The following HMGCLL1 variants were observed in gnomAD, a reference collection of about 807,000 sequenced individuals.
HMGCLL1 encodes 3-hydroxy-3-methylglutaryl-CoA lyase like 1.
In HMGCLL1, 36 loss-of-function variants were observed where a neutral mutation model predicts 39.1. The observed-to-expected ratio is 0.92, with a 90% confidence interval of 0.71 to 1.22. The LOEUF is 1.22. Among genes scored for constraint, HMGCLL1 ranks in the 50% most tolerant of loss-of-function variants. The pLI, the probability that HMGCLL1 is intolerant of heterozygous loss-of-function variation, is 0.00. For missense variants in HMGCLL1, 451 were observed against 416.5 expected, an observed-to-expected ratio of 1.08 and a Z score of -0.72; for synonymous variants, 149 against 144.0, an observed-to-expected ratio of 1.03 and a Z score of -0.25.
chr6:55,554,628 G>T (rs1280747747), intron 1 of HMGCLL1, among the ~76,000 whole-genome samples: 3 of 152,006 alleles, frequency 2.0e-5, no homozygotes, highest in Non-Finnish European at 4.4e-5. Flanking sequence ...AATTATAAGG[G>T]CAATGAAATA....
At chr6:55,596,927 C>T in the HMGCLL1 span, among the ~76,000 whole-genome samples, 2 of 151,882 alleles carry the variant, frequency 1.3e-5, no homozygotes, top group African/African-American at 4.8e-5. Flanking sequence ...GTAACTAAAA[C>T]CAGTTGTTAA....
chr6:55,588,235 T>A, the HMGCLL1 span, among the ~76,000 whole-genome samples: 1 of 151,802 alleles, frequency 6.6e-6, no homozygotes, highest in Non-Finnish European at 1.5e-5. Flanking sequence ...AAACCAGAAC[T>A]CAGGATGAAG....
At chr6:55,477,369 A>C (rs1469087176) in intron 7 of HMGCLL1, among the ~76,000 whole-genome samples, 6 of 27,206 alleles carry the variant, frequency 2.2e-4, no homozygotes, top group African/African-American at 1.5e-3. Context: ...TATTATATTA[A>C]TATAATATAT....
the HMGCLL1 span, among the ~76,000 whole-genome samples, chr6:55,668,586 A>G: frequency 4.0e-5 from 6 of 151,880 alleles, no homozygotes; most frequent in African/African-American, 1.4e-4. Context: ...TAAAGAAAAG[A>G]TACCAGAATT....
intron 7 of HMGCLL1, among the ~76,000 whole-genome samples, chr6:55,444,427 G>C (rs1216717426): frequency 6.6e-6 from 1 of 152,008 alleles, no homozygotes; most frequent in Non-Finnish European, 1.5e-5. Context: ...ATCACAGTAT[G>C]TTTTTTAAGA....
rs1770393298 is a variant in HMGCLL1, at chr6:55,552,497, T to G, written c.109-10357A>C. On this transcript the variant is annotated intron_variant, in intron 1 of 8. Coordinates refer to ENST00000274901, the MANE Select transcript of HMGCLL1 (RefSeq NM_001042406.2). ...TCCCTAGTATAGTGAAAAATTCTAT[T>G]ACCACTCTGTACCTCATTTACTCAT... 2.6e-5 allele frequency among the ~76,000 whole-genome samples: 4 copies of G among 152,028 alleles called. No homozygotes were observed. In the South Asian group the frequency reaches 8.3e-4, roughly 31 times the overall value.
chr6:55,592,415 T>G, the HMGCLL1 span, among the ~76,000 whole-genome samples: 1 of 152,116 alleles, frequency 6.6e-6, no homozygotes, highest in Non-Finnish European at 1.5e-5. Context: ...GTCAAGTTTA[T>G]GTGCAACATT....
chr6:55,552,427 C>G lies in HMGCLL1; in HGVS notation c.109-10287G>C, dbSNP rs79167655. Among the ~76,000 whole-genome samples, 612 of 152,078 alleles carry G rather than the reference C, an allele frequency of 4.0e-3. 1 individual carries two copies. The highest frequency in any genetic ancestry group is 7.3e-3 in the Admixed American group (112 of 15,288). ...ACTATTATCTAAATTCAGGTATCTACTATCAATGATTGACTCTATTCTGCA... is the reference window on the plus strand; with the variant it reads ...ACTATTATCTAAATTCAGGTATCTAGTATCAATGATTGACTCTATTCTGCA... On this transcript the variant is annotated intron_variant, in intron 1 of 8. Transcript: ENST00000274901.
chr6:55,636,034 C>T, the HMGCLL1 span, among the ~76,000 whole-genome samples: 3 of 152,072 alleles, frequency 2.0e-5, no homozygotes, highest in African/African-American at 7.2e-5. Flanking sequence ...TGTTTCCACT[C>T]TGAAACACTG....
the HMGCLL1 span, among the ~76,000 whole-genome samples, chr6:55,591,171 G>A: frequency 6.6e-6 from 1 of 151,970 alleles, no homozygotes; most frequent in African/African-American, 2.4e-5. Context: ...CTTCTTTAGA[G>A]CTAGAATTTG....
At chr6:55,522,415 C>T (rs1229074339) in intron 3 of HMGCLL1, among the ~76,000 whole-genome samples, 2 of 151,918 alleles carry the variant, frequency 1.3e-5, no homozygotes, top group East Asian at 1.9e-4. Flanking sequence ...GAAAATAGAA[C>T]TTTCACTGAG....
intron 1 of HMGCLL1, among the ~76,000 whole-genome samples, chr6:55,571,025 C>T (rs930715167): frequency 3.9e-5 from 6 of 152,140 alleles, no homozygotes; most frequent in Non-Finnish European, 8.8e-5. Context: ...GAACAGTATG[C>T]GGGGAACACC....
At chr6:55,661,590 T>C in the HMGCLL1 span, among the ~76,000 whole-genome samples, 1 of 152,064 alleles carries the variant, frequency 6.6e-6, no homozygotes, top group Non-Finnish European at 1.5e-5. Flanking sequence ...TTTGTATCAG[T>C]ACCATGCTCT....
intron 1 of HMGCLL1, 137 bp from the exon 2 acceptor site, chr6:55,542,277 T>C (rs923935404): frequency 1.7e-5 from 9 of 533,302 alleles, no homozygotes; most frequent in Middle Eastern, 4.6e-4. Flanking sequence ...TACAATGATA[T>C]CATGAAAATG....
chr6:55,526,113 C>T (rs544081242), intron 3 of HMGCLL1, among the ~76,000 whole-genome samples: 1 of 151,974 alleles, frequency 6.6e-6, no homozygotes, highest in Non-Finnish European at 1.5e-5. Flanking sequence ...TAATTTGCAG[C>T]TAAGCCTTTG....
upstream of HMGCLL1, chr6:55,579,227 G>T: frequency 1.6e-6 from 1 of 607,934 alleles, no homozygotes; most frequent in South Asian, 2.0e-5. Flanking sequence ...GGGGAGTGGG[G>T]CGTGGCAGGT....
At chr6:55,516,720 G>A in intron 3 of HMGCLL1, 117 bp from the exon 4 acceptor site, 5 of 531,996 alleles carry the variant, frequency 9.4e-6, no homozygotes, top group Non-Finnish European at 1.3e-5. Flanking sequence ...ATTAATATCT[G>A]AAATAAAAAA....
chr6:55,589,594 A>T, the HMGCLL1 span, among the ~76,000 whole-genome samples: 1 of 152,152 alleles, frequency 6.6e-6, no homozygotes, highest in Non-Finnish European at 1.5e-5. Flanking sequence ...TTCAATTAGG[A>T]AAAGAGGAAG....
intron 7 of HMGCLL1, among the ~76,000 whole-genome samples, chr6:55,472,261 G>A (rs192857582): frequency 4.0e-4 from 60 of 151,678 alleles, no homozygotes; most frequent in South Asian, 1.9e-3. Flanking sequence ...AGTACCATTC[G>A]TTCCACATTT....
Sources: allele counts gnomAD v4.1 joint callset (sites outside exome capture counted in the v4.1 genomes callset), GRCh38; gene constraint gnomAD v4.1.1; transcripts MANE v1.5; gene names NCBI Gene and HGNC (gene_info 2026-07-23, HGNC 2026-07-21).